The following SH2D7 variants were observed in gnomAD, a reference collection of about 807,000 sequenced individuals.
The protein encoded by SH2D7 is SH2 domain containing 7.
Under a neutral mutation model 40.8 loss-of-function variants are expected in SH2D7, and 32 were observed. That is an observed-to-expected ratio of 0.78 (90% CI 0.59 to 1.05). The LOEUF (loss-of-function observed/expected upper bound fraction) is 1.05. SH2D7 is among the 50% of genes least tolerant of loss of function. The pLI is 0.00. For missense variants in SH2D7, 559 were observed against 566.6 expected (o/e 0.99, Z 0.14); for synonymous variants, 195 against 221.5 (o/e 0.88, Z 1.06).
chr15:78,093,661 T>C (rs1157144250), intron 1 of SH2D7, among the ~76,000 whole-genome samples: 1 of 152,214 alleles, frequency 6.6e-6, no homozygotes, highest in Admixed American at 6.5e-5. Flanking sequence ...AGCAGCATCT[T>C]CTCCCTGCAG....
In SH2D7 at chr15:78,101,090, G is replaced by A. The variant is rs777306300; in HGVS notation, c.837G>A (p.Glu279=). Residue 279 remains glutamate (E), a synonymous_variant, in exon 5 of 6, where the codon GAG becomes GAA. Transcript: ENST00000328828. ...GCCAGGCCTACTCCCCAGGCAGGGA[G>A]GCCCAAAGGAGACTCTCAGATGGAG... The part of the protein sequence containing the change: ...AGSQAYSPGR[E]AQRRLSDGEQ... The A allele has an allele frequency of 6.0e-5, 95 of 1,583,948 alleles. No homozygotes were observed. The Admixed American group carries it at 1.7e-3, about 29-fold the overall frequency.
chr15:78,092,629 G>A lies in SH2D7; in HGVS notation c.45G>A (p.Glu15=), dbSNP rs1276216243. The change falls in exon 1 of 6, where the codon GAG becomes GAA. Residue 15 remains glutamate (E), a synonymous_variant. Transcript: ENST00000328828. ...LKQLSLGRDP[E]GAGDSQALAE... ...AGCTCAGCCTGGGGAGAGATCCTGA[G>A]GGGGCAGGGGACAGCCAGGCCCTGG... is the stretch of plus-strand genomic sequence containing the variant. 1.3e-6 allele frequency: 2 copies of A among 1,556,340 alleles called. No individual in the cohort carries two copies. The highest frequency in any genetic ancestry group is 2.7e-5 in the African/African-American group (2 of 73,282).
intron 4 of SH2D7, 90 bp from the exon 5 acceptor site, chr15:78,100,809 G>A (rs1052392647): frequency 5.6e-6 from 8 of 1,434,456 alleles, no homozygotes; most frequent in Non-Finnish European, 7.6e-6. Flanking sequence ...GCCAAGACAG[G>A]GGGCCTCGGC....
At chr15:78,098,237 T>C in intron 3 of SH2D7, 143 bp downstream of exon 3, 1 of 1,396,478 alleles carries the variant, frequency 7.2e-7, no homozygotes, top group East Asian at 2.5e-5. Flanking sequence ...TGATCCCTAT[T>C]GGAAAAAGGG....
Position 78,103,513 on chromosome 15 carries a change from T to G in SH2D7, c.1354T>G (p.Ter452GlyextTer35), listed in dbSNP as rs370176254. ...LFFTYRKHKF* is the reference protein window; with the variant it reads ...LFFTYRKHKFG The stretch of plus-strand genomic sequence containing the variant: ...CTTCACGTACAGGAAGCACAAATTC[T>G]GAGGGCCTGGCATCCGGCAGCCCAC... Residue 452 changes from the stop codon to glycine (G), a stop_lost, in exon 6 of 6, where the codon TGA becomes GGA. Transcript: ENST00000328828. The G allele has an allele frequency of 1.5e-4, 234 of 1,563,750 alleles. No individual in the cohort carries two copies. The highest frequency in any genetic ancestry group is 1.9e-4 in the Non-Finnish European group (224 of 1,153,294).
intron 4 of SH2D7, among the ~76,000 whole-genome samples, 170 bp from the exon 5 acceptor site, chr15:78,100,729 A>G (rs917824069): frequency 6.6e-6 from 1 of 152,168 alleles, no homozygotes; most frequent in African/African-American, 2.4e-5. Context: ...CAAGTTCTAG[A>G]GCATGAGCGC....
chr15:78,099,196 T>G (rs1324834821), intron 4 of SH2D7, among the ~76,000 whole-genome samples: 1 of 152,176 alleles, frequency 6.6e-6, no homozygotes, highest in East Asian at 1.9e-4. Flanking sequence ...TTTGTATTTT[T>G]GGTAGTAACA....
chr15:78,102,396 C>T (rs1014735341), intron 5 of SH2D7, among the ~76,000 whole-genome samples: 2 of 152,222 alleles, frequency 1.3e-5, no homozygotes, highest in African/African-American at 4.8e-5. Context: ...ACCTCCATTT[C>T]CTCATCTGTA....
chr15:78,094,294 A>C, intron 2 of SH2D7, 93 bp downstream of exon 2: 1 of 1,248,920 alleles, frequency 8.0e-7, no homozygotes, highest in Non-Finnish European at 1.1e-6. Context: ...CAAATTGCCT[A>C]GATTTCCCTG....
chr15:78,095,748 C>T (rs916892268), intron 2 of SH2D7, among the ~76,000 whole-genome samples: 1 of 151,820 alleles, frequency 6.6e-6, no homozygotes, highest in Non-Finnish European at 1.5e-5. Flanking sequence ...AAATGAGAGG[C>T]CAAGTTTTTT....
upstream of SH2D7, chr15:78,091,222 A>C (rs535295663): frequency 6.6e-6 from 1 of 152,334 alleles, no homozygotes; most frequent in Non-Finnish European, 1.5e-5. Context: ...TTAGACAGAG[A>C]TAGTTATATA....
intron 4 of SH2D7, among the ~76,000 whole-genome samples, chr15:78,100,305 A>G (rs1402221107): frequency 6.6e-6 from 1 of 152,178 alleles, no homozygotes; most frequent in Non-Finnish European, 1.5e-5. Flanking sequence ...GTTTGGGGCC[A>G]CTGAGGGACC....
Position 78,097,969 on chromosome 15 carries a change from C to A in SH2D7, c.307C>A (p.Arg103=). The change falls in exon 3 of 6, where the codon CGA becomes AGA. Residue 103 remains arginine (R), a synonymous_variant. Coordinates refer to ENST00000328828, the MANE Select transcript of SH2D7 (RefSeq NM_001101404.2). ...CCGACATTTTGTCATCAACCAGCTT[C>A]GAAACCGGCGTTACATCATCTCAGG... is the stretch of plus-strand genomic sequence containing the variant. The part of the protein sequence containing the change: ...RCRHFVINQL[R]NRRYIISGDT... The A allele has an allele frequency of 6.2e-7, 1 of 1,613,674 alleles. No individual in the cohort carries two copies. The highest frequency in any genetic ancestry group is 1.1e-5 in the South Asian group (1 of 91,012).
At chr15:78,101,742 G>A (rs999522676) in intron 5 of SH2D7, among the ~76,000 whole-genome samples, 184 bp downstream of exon 5, 7 of 152,170 alleles carry the variant, frequency 4.6e-5, no homozygotes, top group African/African-American at 1.7e-4. Context: ...AGAGGCAGCT[G>A]CTAGATTTGG....
rs766616630 is a variant in SH2D7, at chr15:78,101,536, A to G, written c.1283A>G (p.Lys428Arg). 1 of 1,599,574 alleles carries G rather than the reference A, an allele frequency of 6.3e-7. No individual in the cohort carries two copies. The highest frequency in any genetic ancestry group is 2.2e-5 in the East Asian group (1 of 44,732). Residue 428 changes from lysine (K) to arginine (R), a missense_variant, in exon 5 of 6, where the codon AAG becomes AGG. Physicochemically the swap from Lys to Arg is conservative, Grantham distance 26. Transcript: ENST00000328828. Reference sequence around the variant, plus strand: ...GAACAGATCCCAGCAACCAAGAGCAAGGAGACTGGACGGACACACAAGGTG... The same window carrying G: ...GAACAGATCCCAGCAACCAAGAGCAGGGAGACTGGACGGACACACAAGGTG... ...TYEQIPATKS[K>R]ETGRTHKPDK...
In SH2D7 at chr15:78,103,475, T is replaced by C. The variant is rs751911074; in HGVS notation, c.1316T>C (p.Leu439Pro). The C allele has an allele frequency of 6.4e-7, 1 of 1,561,258 alleles. No individual in the cohort carries two copies. Among genetic ancestry groups the C allele is most frequent in the East Asian group, 2.4e-5 (1 of 41,826 alleles). ...ETGRTHKPDK[L>P]RRLFFTYRKH... ...CCTCCTTCCTTGCAGCCTGACAAGCTTCGGAGGCTCTTCTTCACGTACAGG... is the reference window on the plus strand; with the variant it reads ...CCTCCTTCCTTGCAGCCTGACAAGCCTCGGAGGCTCTTCTTCACGTACAGG... Residue 439 changes from leucine to proline, a missense_variant, in exon 6 of 6, where the codon CTT becomes CCT. Coordinates refer to ENST00000328828, the MANE Select transcript of SH2D7 (RefSeq NM_001101404.2).
chr15:78,100,828 G>A, intron 4 of SH2D7, 71 bp from the exon 5 acceptor site: 2 of 1,551,700 alleles, frequency 1.3e-6, no homozygotes, highest in Non-Finnish European at 8.7e-7. Flanking sequence ...GCTTATCTGA[G>A]AGAGTTTTTA....
At chr15:78,102,234 G>C (rs2074022845) in intron 5 of SH2D7, among the ~76,000 whole-genome samples, 1 of 152,124 alleles carries the variant, frequency 6.6e-6, no homozygotes, top group Non-Finnish European at 1.5e-5. Flanking sequence ...GAGACAAAGT[G>C]AGACCCTGTT....
At chr15:78,097,867 C>A in intron 2 of SH2D7, 62 bp from the exon 3 acceptor site, 1 of 1,582,482 alleles carries the variant, frequency 6.3e-7, no homozygotes, top group Admixed American at 1.7e-5. Flanking sequence ...GAGCTCAGAC[C>A]CTGGGCCAAG....
Sources: gnomAD v4.1 joint callset for allele counts (sites outside exome capture counted in the v4.1 genomes callset) on GRCh38, gnomAD v4.1.1 for gene constraint, MANE v1.5 for transcripts, NCBI Gene and HGNC (gene_info 2026-07-23, HGNC 2026-07-21) for gene names.